PSMG3: variants seen among roughly 807,000 people sequenced by gnomAD.
PSMG3 encodes PAC-3.
In PSMG3, 4 loss-of-function variants were observed where a neutral mutation model predicts 7.9. That is an observed-to-expected ratio of 0.51 (90% CI 0.25 to 1.16). The LOEUF is 1.16. Ranked by LOEUF, PSMG3 falls within the 50% of genes most tolerant of loss-of-function variation. The pLI is 0.15. For missense variants in PSMG3, 151 were observed against 157.4 expected (o/e 0.96, Z 0.22); for synonymous variants, 81 against 69.8 (o/e 1.16, Z -0.80).
At position 1,567,805 on chromosome 7, in the gene PSMG3, G is replaced by C; in HGVS notation, c.262C>G (p.Gln88Glu). 6.2e-7 allele frequency: 1 copy of C among 1,614,170 alleles called. No individual in the cohort carries two copies. Among genetic ancestry groups the C allele is most frequent in the Non-Finnish European group, 8.5e-7 (1 of 1,180,012 alleles). The change falls in exon 2 of 2, where the codon CAA becomes GAA. Residue 88 changes from glutamine to glutamate, a missense_variant. Coordinates refer to ENST00000288607, the MANE Select transcript of PSMG3 (RefSeq NM_032302.4). ...FAKNLVAFVSQEAGNRAVLLA... is the reference protein window; with the variant it reads ...FAKNLVAFVSEEAGNRAVLLA... ...AGGACTGCTCTGTTTCCAGCTTCTT[G>C]AGACACAAACGCTACCAGGTTCTTT...
chr7:1,569,345 G>C lies in PSMG3; in HGVS notation c.-6C>G. The C allele has an allele frequency of 6.3e-7, 1 of 1,595,176 alleles. No homozygotes were observed. The highest frequency in any genetic ancestry group is 1.1e-5 in the South Asian group (1 of 89,796). On this transcript the variant is annotated 5_prime_UTR_variant, in exon 1 of 2. Coordinates refer to ENST00000288607, the MANE Select transcript of PSMG3 (RefSeq NM_032302.4). Reference sequence around the variant, plus strand: ...ACCAACGGCGTGTCTTCCATGGCGGGGCTCTGCAGTGGCAGCTTTAATTTA... The same window carrying C: ...ACCAACGGCGTGTCTTCCATGGCGGCGCTCTGCAGTGGCAGCTTTAATTTA...
Position 1,567,582 on chromosome 7 carries a change from AG to A in PSMG3, c.*115del. ...ACACGAGTCTTTTTTCCTGGCTCCA[AG>A]GGCTAGTGCCAAAGTTCCTCCCTCC... On this transcript the variant is annotated 3_prime_UTR_variant, in exon 2 of 2. Transcript: ENST00000288607. The A allele has an allele frequency of 9.9e-7, 1 of 1,013,586 alleles. No homozygotes were observed. Among genetic ancestry groups the A allele is most frequent in the South Asian group, 1.6e-5 (1 of 62,578 alleles). The allele number at this position is 1,013,586 out of a possible 1,614,324, so 62.8% of individuals were successfully genotyped here.
rs12664 is a variant in PSMG3 at position 1,567,623 on chromosome 7, T to C, written c.*75A>G. ...TTCCTCCCTCCACCGGGGAGGGAGGTGAGACTTGAGTCCCTGAGTGGGTGT... is the reference window on the plus strand; with the variant it reads ...TTCCTCCCTCCACCGGGGAGGGAGGCGAGACTTGAGTCCCTGAGTGGGTGT... On this transcript the variant is annotated 3_prime_UTR_variant, in exon 2 of 2. Coordinates refer to ENST00000288607, the MANE Select transcript of PSMG3 (RefSeq NM_032302.4). 142,547 of 1,447,944 alleles carry C rather than the reference T, an allele frequency of 0.098. 8,464 individuals carry two copies. Among genetic ancestry groups the C allele is most frequent in the African/African-American group, 0.26 (18,022 of 69,834 alleles). 89.7% of individuals were successfully genotyped at this position (1,447,944 alleles called of 1,614,324 possible).
Position 1,567,558 on chromosome 7 carries a change from CACG to C in PSMG3, c.*137_*139del. 1.3e-6 allele frequency: 1 copy of C among 755,678 alleles called. No homozygotes were observed. The highest frequency in any genetic ancestry group is 2.1e-6 in the Non-Finnish European group (1 of 466,010). The allele number at this position is 755,678 out of a possible 1,614,324, so 46.8% of individuals were successfully genotyped here. On this transcript the variant is annotated 3_prime_UTR_variant, in exon 2 of 2. Transcript: ENST00000288607. ...AACCAGAGTAAGAGTCTGCCTGAGA[CACG>C]AGTCTTTTTTCCTGGCTCCAAGGGC...
In PSMG3 at chr7:1,569,619, A is replaced by AT. The variant is rs906271100; in HGVS notation, c.-281_-280insA. The AT allele has an allele frequency of 3.2e-6, 1 of 313,044 alleles. No individual in the cohort carries two copies. The highest frequency in any genetic ancestry group is 4.6e-5 in the Admixed American group (1 of 21,562). The allele number at this position is 313,044 out of a possible 1,614,324, so 19.4% of individuals were successfully genotyped here. On this transcript the variant is annotated 5_prime_UTR_variant, in exon 1 of 2. An upstream open reading frame in the 5' UTR gains an earlier in-frame stop. Transcript: ENST00000288607. ...CCCATCTCTACCAAAAAAAAAAAAAAAAAAAACCAGCAGGGCGCGCCTGTG... is the reference window on the plus strand; with the variant it reads ...CCCATCTCTACCAAAAAAAAAAAAAATAAAAAACCAGCAGGGCGCGCCTGTG...
At chr7:1,568,640 T>A (rs1583239510) in intron 1 of PSMG3, among the ~76,000 whole-genome samples, 1 of 150,924 alleles carries the variant, frequency 6.6e-6, no homozygotes, top group African/African-American at 2.4e-5. Flanking sequence ...TAATTTTTTG[T>A]TTCCTTTTCT....
rs757103817 is a variant in PSMG3, at chr7:1,569,346, G to A, written c.-7C>T. 6.3e-7 allele frequency: 1 copy of A among 1,593,284 alleles called. No homozygotes were observed. The highest frequency in any genetic ancestry group is 2.3e-5 in the East Asian group (1 of 44,032). On this transcript the variant is annotated 5_prime_UTR_variant, in exon 1 of 2. Transcript: ENST00000288607. ...CCAACGGCGTGTCTTCCATGGCGGGGCTCTGCAGTGGCAGCTTTAATTTAG... is the reference window on the plus strand; with the variant it reads ...CCAACGGCGTGTCTTCCATGGCGGGACTCTGCAGTGGCAGCTTTAATTTAG...
chr7:1,569,680 G>A lies in PSMG3; in HGVS notation c.-341C>T, dbSNP rs560661058. On this transcript the variant is annotated 5_prime_UTR_variant, in exon 1 of 2. The change creates a premature stop within an existing upstream ORF in the 5' untranslated region. Transcript: ENST00000288607. ...CTCAGGAGGCTGAGGCGGGAAGATC[G>A]CTTCAGCCCGGGAGGTCGAGGCTGC... 1.2e-4 allele frequency: 27 copies of A among 221,148 alleles called. No individual in the cohort carries two copies. The highest frequency in any genetic ancestry group is 1.6e-4 in the Non-Finnish European group (18 of 110,216). The allele number at this position is 221,148 out of a possible 1,614,324, so 13.7% of individuals were successfully genotyped here.
In PSMG3 at chr7:1,569,583, A is replaced by G. The variant is rs914902348; in HGVS notation, c.-244T>C. ...GGAATTCGAGACCAGCCTGGCCAAC[A>G]TAGCGAGACCCCCATCTCTACCAAA... is the stretch of plus-strand genomic sequence containing the variant. On this transcript the variant is annotated 5_prime_UTR_variant, in exon 1 of 2. It removes an upstream start codon present in the reference 5' UTR. Coordinates refer to ENST00000288607, the MANE Select transcript of PSMG3 (RefSeq NM_032302.4). 2 of 326,944 alleles carry G rather than the reference A, an allele frequency of 6.1e-6. No individual in the cohort carries two copies. Among genetic ancestry groups the G allele is most frequent in the Non-Finnish European group, 1.1e-5 (2 of 178,888 alleles). 20.3% of individuals were successfully genotyped at this position (326,944 alleles called of 1,614,324 possible).
chr7:1,568,530 A>G (rs55905784), intron 1 of PSMG3, among the ~76,000 whole-genome samples: 7,615 of 151,700 alleles, frequency 0.05, 224 homozygotes, highest in Middle Eastern at 0.11. Context: ...CAGTGGCACA[A>G]TCATGGCTCA....
intron 1 of PSMG3, among the ~76,000 whole-genome samples, 178 bp downstream of exon 1, chr7:1,568,946 C>CCT (rs1039307908): frequency 2.0e-5 from 3 of 151,738 alleles, no homozygotes; most frequent in Non-Finnish European, 4.4e-5. Flanking sequence ...CTGCACCCAG[C>CCT]CTCTCTCTAT....
chr7:1,569,242 A>T lies in PSMG3; in HGVS notation c.98T>A (p.Leu33Gln), dbSNP rs1332001886. 1 of 1,613,642 alleles carries T rather than the reference A, an allele frequency of 6.2e-7. No homozygotes were observed. Among genetic ancestry groups the T allele is most frequent in the African/African-American group, 1.3e-5 (1 of 74,950 alleles). ...CTTCCCAAACTGGGTCACCACCACC[A>T]GGATGTGACTGCTGAAGGCCGTACA... ...VVCTAFSSHILVVVTQFGKMG... is the reference protein window; with the variant it reads ...VVCTAFSSHIQVVVTQFGKMG... The change falls in exon 1 of 2, where the codon CTG (leucine) becomes CAG (glutamine). Residue 33 changes from leucine to glutamine, a missense_variant. By Grantham distance (113) the Leu-to-Gln change is moderately radical. Transcript: ENST00000288607.
At chr7:1,569,066 C>T (rs1262499154) in intron 1 of PSMG3, 58 bp downstream of exon 1, 1 of 1,478,528 alleles carries the variant, frequency 6.8e-7, no homozygotes, top group South Asian at 1.2e-5. Flanking sequence ...CCCGCCTAGG[C>T]CTCTGAAAGT....
At chr7:1,568,336 C>T (rs1182635506) in intron 1 of PSMG3, among the ~76,000 whole-genome samples, 1 of 152,024 alleles carries the variant, frequency 6.6e-6, no homozygotes, top group African/African-American at 2.4e-5. Flanking sequence ...CCCACAAATG[C>T]CCGGAAAATG....
At position 1,569,386 on chromosome 7, in the gene PSMG3, G is replaced by A. The variant is rs535165962; in HGVS notation, c.-47C>T. 2.1e-6 allele frequency: 3 copies of A among 1,455,540 alleles called. No individual in the cohort carries two copies. Among genetic ancestry groups the A allele is most frequent in the Admixed American group, 2.2e-5 (1 of 46,262 alleles). 90.2% of individuals were successfully genotyped at this position (1,455,540 alleles called of 1,614,324 possible). Reference sequence around the variant, plus strand: ...CTTTAATTTAGGTTAAAAAGAAAGGGGAAAAAAAGGAGTCAATCAAACAGT... The same window carrying A: ...CTTTAATTTAGGTTAAAAAGAAAGGAGAAAAAAAGGAGTCAATCAAACAGT... On this transcript the variant is annotated 5_prime_UTR_variant, in exon 1 of 2. Coordinates refer to ENST00000288607, the MANE Select transcript of PSMG3 (RefSeq NM_032302.4).
Position 1,567,540 on chromosome 7 carries a change from G to GT in PSMG3, c.*157dup. ...TGCACAGATGATCTTAGTAACCAGA[G>GT]TAAGAGTCTGCCTGAGACACGAGTC... On this transcript the variant is annotated 3_prime_UTR_variant, in exon 2 of 2. Coordinates refer to ENST00000288607, the MANE Select transcript of PSMG3 (RefSeq NM_032302.4). 1 of 662,860 alleles carries GT rather than the reference G, an allele frequency of 1.5e-6. No homozygotes were observed. Among genetic ancestry groups the GT allele is most frequent in the Non-Finnish European group, 2.5e-6 (1 of 392,282 alleles). 41.1% of individuals were successfully genotyped at this position (662,860 alleles called of 1,614,324 possible).
At chr7:1,568,222 G>C (rs754363272) in intron 1 of PSMG3, among the ~76,000 whole-genome samples, 12 of 152,040 alleles carry the variant, frequency 7.9e-5, no homozygotes, top group Non-Finnish European at 8.8e-5. Context: ...CCATGGCAGG[G>C]GAGGCGGCTC....
In PSMG3 at chr7:1,569,590, G is replaced by T; in HGVS notation, c.-251C>A. Reference sequence around the variant, plus strand: ...GAGACCAGCCTGGCCAACATAGCGAGACCCCCATCTCTACCAAAAAAAAAA... The same window carrying T: ...GAGACCAGCCTGGCCAACATAGCGATACCCCCATCTCTACCAAAAAAAAAA... On this transcript the variant is annotated 5_prime_UTR_variant, in exon 1 of 2. Coordinates refer to ENST00000288607, the MANE Select transcript of PSMG3 (RefSeq NM_032302.4). 1.8e-5 allele frequency: 4 copies of T among 220,092 alleles called. No homozygotes were observed. Among genetic ancestry groups the T allele is most frequent in the Non-Finnish European group, 2.6e-5 (3 of 116,476 alleles). The allele number at this position is 220,092 out of a possible 1,614,324, so 13.6% of individuals were successfully genotyped here. A position where few individuals can be genotyped will look rare whatever the true frequency, so the allele number is the denominator to read the frequency against.
chr7:1,568,280 C>T (rs971660276), intron 1 of PSMG3, among the ~76,000 whole-genome samples: 2 of 151,812 alleles, frequency 1.3e-5, no homozygotes, highest in Non-Finnish European at 2.9e-5. Context: ...AAAATGCCTG[C>T]GGGCTGGACA....
Sources: gnomAD v4.1 joint callset for allele counts (sites outside exome capture counted in the v4.1 genomes callset) on GRCh38, gnomAD v4.1.1 for gene constraint, MANE v1.5 for transcripts, NCBI Gene and HGNC (gene_info 2026-07-23, HGNC 2026-07-21) for gene names.